The following NUB1 variants were observed in gnomAD, a reference collection of about 807,000 sequenced individuals.
The protein encoded by NUB1 is NEDD8 ultimate buster 1.
Under a neutral mutation model 77.1 loss-of-function variants are expected in NUB1, and 41 were observed. The observed-to-expected ratio is 0.53, with a 90% CI of 0.41 to 0.69. The LOEUF (loss-of-function observed/expected upper bound fraction) is 0.69, where lower values mean the gene tolerates loss of function less well. Among genes scored for constraint, NUB1 ranks in the 30% least tolerant of loss-of-function variants. The pLI is 0.00. For missense variants in NUB1, 643 were observed against 743.8 expected (o/e 0.86, Z 1.58); for synonymous variants, 257 against 281.0 (o/e 0.91, Z 0.85).
In NUB1 at chr7:151,345,457, G is replaced by A; in HGVS notation, c.108G>A (p.Leu36=). ...PYTDENKKVG[L]ALKDLAKQYS... ...CAGATGAAAATAAAAAAGTTGGTTT[G>A]GCATTAAAGGTATTTTTCTTTTAAG... The change falls in exon 2 of 15, where the codon TTG becomes TTA. Residue 36 remains leucine (L), a synonymous_variant. Coordinates refer to ENST00000568733, the MANE Select transcript of NUB1 (RefSeq NM_001243351.2). 1.9e-6 allele frequency: 3 copies of A among 1,540,800 alleles called. No homozygotes were observed. The highest frequency in any genetic ancestry group is 2.7e-6 in the Non-Finnish European group (3 of 1,122,594).
Position 151,377,380 on chromosome 7 carries a change from A to G in NUB1, c.*155A>G, listed in dbSNP as rs528109970. On this transcript the variant is annotated 3_prime_UTR_variant, in exon 15 of 15. Coordinates refer to ENST00000568733, the MANE Select transcript of NUB1 (RefSeq NM_001243351.2). ...AGGGGACAAGTCCAGGAGGGGTCCC[A>G]GGGCCTTCATGCGTGGTCTCGGGGA... is the stretch of plus-strand genomic sequence containing the variant. 4.5e-5 allele frequency: 24 copies of G among 530,358 alleles called. No individual in the cohort carries two copies. In the South Asian group the frequency reaches 7.2e-4, roughly 16 times the overall value. 32.9% of individuals were successfully genotyped at this position (530,358 alleles called of 1,614,324 possible).
At chr7:151,374,753 T>C (rs2302129) in intron 12 of NUB1, 1 of 168,162 alleles carries the variant, frequency 5.9e-6, no homozygotes, top group South Asian at 1.4e-4. Flanking sequence ...CTTCCTTCCC[T>C]GTGTTGGAGA....
chr7:151,356,301 G>A (rs1278941522), intron 7 of NUB1, 79 bp downstream of exon 7: 2 of 1,017,734 alleles, frequency 2.0e-6, no homozygotes. Context: ...GCTTTATGTT[G>A]GAAGTGTTGT....
Position 151,377,844 on chromosome 7 carries a change from TAAAA to T in NUB1, c.*620_*623del, listed in dbSNP as rs1273696226. 2 of 152,236 alleles carry T rather than the reference TAAAA, an allele frequency of 1.3e-5. No homozygotes were observed. Among genetic ancestry groups the T allele is most frequent in the Non-Finnish European group, 2.9e-5 (2 of 68,050 alleles). 9.4% of individuals were successfully genotyped at this position (152,236 alleles called of 1,614,324 possible). A position where few individuals can be genotyped will look rare whatever the true frequency, so the allele number is the denominator to read the frequency against. On this transcript the variant is annotated 3_prime_UTR_variant, in exon 15 of 15. Coordinates refer to ENST00000568733, the MANE Select transcript of NUB1 (RefSeq NM_001243351.2). ...CCAGTGTTTTATGCTCTTAGTTCAG[TAAAA>T]TACGCCCCCGAAATTCAAGATTGAG...
rs1278806445 is a variant in NUB1, at chr7:151,377,852, G to A, written c.*627G>A. The A allele has an allele frequency of 5.9e-5, 9 of 152,184 alleles. No individual in the cohort carries two copies. The highest frequency in any genetic ancestry group is 4.6e-4 in the Admixed American group (7 of 15,272). The allele number at this position is 152,184 out of a possible 1,614,324, so 9.4% of individuals were successfully genotyped here. On this transcript the variant is annotated 3_prime_UTR_variant, in exon 15 of 15. Transcript: ENST00000568733. ...TTATGCTCTTAGTTCAGTAAAATACGCCCCCGAAATTCAAGATTGAGTGTC... is the reference window on the plus strand; with the variant it reads ...TTATGCTCTTAGTTCAGTAAAATACACCCCCGAAATTCAAGATTGAGTGTC...
chr7:151,345,837 C>T (rs1277304740), intron 2 of NUB1, among the ~76,000 whole-genome samples: 21 of 152,184 alleles, frequency 1.4e-4, no homozygotes, highest in Non-Finnish European at 3.1e-4. Flanking sequence ...TCATCATCTG[C>T]TGTGAAACAA....
intron 11 of NUB1, among the ~76,000 whole-genome samples, chr7:151,370,377 C>T (rs1247173318): frequency 6.6e-6 from 1 of 152,192 alleles, no homozygotes; most frequent in Non-Finnish European, 1.5e-5. Flanking sequence ...GTGTGAGCCA[C>T]TGCGACCAGC....
chr7:151,344,994 C>T (rs1055837479), intron 1 of NUB1, among the ~76,000 whole-genome samples: 7 of 151,992 alleles, frequency 4.6e-5, no homozygotes, highest in African/African-American at 7.2e-5. Context: ...AGCGAGACTC[C>T]GTCTCAAAAA....
rs752405570 is a variant in NUB1 at position 151,376,670 on chromosome 7, G to A, written c.1528G>A (p.Ala510Thr). The change falls in exon 14 of 15, where the codon GCT becomes ACT. Residue 510 changes from alanine to threonine, a missense_variant. Coordinates refer to ENST00000568733, the MANE Select transcript of NUB1 (RefSeq NM_001243351.2). ...YMGFDALVAE[A>T]ALRVFRGNVQ... ...GGGTTTTGATGCACTCGTGGCCGAA[G>A]CTGCGCTGAGAGTGTTCAGAGGCAA... The A allele has an allele frequency of 1.9e-6, 3 of 1,611,548 alleles. No homozygotes were observed. The highest frequency in any genetic ancestry group is 4.5e-5 in the East Asian group (2 of 44,836).
intron 2 of NUB1, 30 bp from the exon 3 acceptor site, chr7:151,349,043 A>G (rs367719318): frequency 3.7e-5 from 58 of 1,579,038 alleles, no homozygotes; most frequent in African/African-American, 5.5e-5. Flanking sequence ...TTTTTAAGTC[A>G]GTATTGCATT....
intron 1 of NUB1, among the ~76,000 whole-genome samples, chr7:151,344,388 A>G (rs796068925): frequency 3.3e-5 from 5 of 150,790 alleles, no homozygotes; most frequent in African/African-American, 1.2e-4. Flanking sequence ...TCGGCTCACT[A>G]CAACCTCTGC....
intron 1 of NUB1, among the ~76,000 whole-genome samples, chr7:151,343,933 G>C (rs551499423): frequency 6.6e-6 from 1 of 152,142 alleles, no homozygotes; most frequent in East Asian, 1.9e-4. Context: ...TGTAATCCCA[G>C]CACTTTGGGA....
At position 151,374,099 on chromosome 7, in the gene NUB1, A is replaced by T. The variant is rs762016820; in HGVS notation, c.1251A>T (p.Glu417Asp). ...GGGACTTTGCTGTTTTCCTAAAGGA[A>T]CTGGCCCAAATAAGGAAGGAGGAAA... Reference protein sequence around the residue: ...AATHITNRREELAQIRKEEKE... With the variant: ...AATHITNRREDLAQIRKEEKE... The change falls in exon 12 of 15, where the codon GAA (glutamate) becomes GAT (aspartate). Residue 417 changes from glutamate to aspartate, a missense_variant and splice_region_variant. Glu to Asp is a conservative substitution (Grantham distance 45). Transcript: ENST00000568733. 6.4e-7 allele frequency: 1 copy of T among 1,556,442 alleles called. No homozygotes were observed. Among genetic ancestry groups the T allele is most frequent in the Non-Finnish European group, 8.7e-7 (1 of 1,150,108 alleles).
intron 2 of NUB1, 101 bp downstream of exon 2, chr7:151,345,567 A>C (rs1796465598): frequency 4.5e-6 from 3 of 663,596 alleles, no homozygotes; most frequent in Admixed American, 3.4e-5. Context: ...TTTTGGCATA[A>C]CCAAAAGCAT....
At position 151,347,271 on chromosome 7, in the gene NUB1, G is replaced by A. The variant is rs12667467; in HGVS notation, c.118-1802G>A. 4.5e-4 allele frequency among the ~76,000 whole-genome samples: 68 copies of A among 152,072 alleles called. 1 individual carries two copies. In the East Asian group the frequency reaches 0.012, roughly 27 times the overall value. On this transcript the variant is annotated intron_variant, in intron 2 of 14. Coordinates refer to ENST00000568733, the MANE Select transcript of NUB1 (RefSeq NM_001243351.2). ...AAAATGTATTGCTGGACACAGTGGC[G>A]CATGCCTGTAGTCCCAGCTACTCAG...
intron 3 of NUB1, 31 bp downstream of exon 3, chr7:151,349,271 C>CT (rs747202423): frequency 1.3e-6 from 2 of 1,560,194 alleles, no homozygotes; most frequent in Non-Finnish European, 1.8e-6. Flanking sequence ...TGAGTAGGCA[C>CT]TAATGTCCAG....
At chr7:151,364,067 T>A (rs1232795127) in intron 8 of NUB1, among the ~76,000 whole-genome samples, 1 of 151,082 alleles carries the variant, frequency 6.6e-6, no homozygotes, top group East Asian at 2.0e-4. Flanking sequence ...GTGCTGGGAT[T>A]ACAGGTGTGA....
rs1471142614 is a variant in NUB1 at position 151,349,017 on chromosome 7, A to G, written c.118-56A>G. Reference sequence around the variant, plus strand: ...CTTAGAGTCTTTCATGCCCTTTTCTATATTTTGCCTTTTTTTTTTTAAGTC... The same window carrying G: ...CTTAGAGTCTTTCATGCCCTTTTCTGTATTTTGCCTTTTTTTTTTTAAGTC... On this transcript the variant is annotated intron_variant, in intron 2 of 14. Transcript: ENST00000568733. 5.9e-5 allele frequency: 90 copies of G among 1,517,480 alleles called. No homozygotes were observed. In the East Asian group the frequency reaches 2.0e-3, roughly 33 times the overall value. The allele number at this position is 1,517,480 out of a possible 1,614,324, so 94.0% of individuals were successfully genotyped here.
At chr7:151,355,182 T>C (rs957417025) in intron 5 of NUB1, among the ~76,000 whole-genome samples, 1 of 152,236 alleles carries the variant, frequency 6.6e-6, no homozygotes, top group African/African-American at 2.4e-5. Flanking sequence ...TCTAGCACAA[T>C]GTTCTCCCTG....
Sources: allele counts gnomAD v4.1 joint callset (sites outside exome capture counted in the v4.1 genomes callset), GRCh38; gene constraint gnomAD v4.1.1; transcripts MANE v1.5; gene names NCBI Gene and HGNC (gene_info 2026-07-23, HGNC 2026-07-21).